NTNG2: variants seen among roughly 807,000 people sequenced by gnomAD.
NTNG2 encodes the protein netrin-G2.
In NTNG2, 15 loss-of-function variants were observed where a neutral mutation model predicts 47.6. That is an observed-to-expected ratio of 0.32 (90% confidence interval 0.21 to 0.49). NTNG2 has a LOEUF of 0.49. Ranked by LOEUF, NTNG2 falls within the 20% of genes least tolerant of loss-of-function variation. NTNG2 has a pLI of 0.99. For synonymous variants in NTNG2, 307 were observed against 324.6 expected (o/e 0.95, Z 0.58); for missense variants, 578 against 764.6 (o/e 0.76, Z 2.88).
intron 2 of NTNG2, among the ~76,000 whole-genome samples, chr9:132,171,025 A>G (rs2131293667): frequency 6.6e-6 from 1 of 152,232 alleles, no homozygotes; most frequent in African/African-American, 2.4e-5. Flanking sequence ...AGCCAACAGG[A>G]GAGCACTAGG....
chr9:132,244,210 C>A lies in NTNG2; in HGVS notation c.*2099C>A, dbSNP rs1842140299. 1 of 152,252 alleles carries A rather than the reference C, an allele frequency of 6.6e-6. No homozygotes were observed. Among genetic ancestry groups the A allele is most frequent in the Admixed American group, 6.5e-5 (1 of 15,284 alleles). 9.4% of individuals were successfully genotyped at this position (152,252 alleles called of 1,614,324 possible). ...ATCCCTCCCTCTGCTCTTCAGTCAGCAGGATGGGGAAGGAGCCTTCTTGAG... is the reference window on the plus strand; with the variant it reads ...ATCCCTCCCTCTGCTCTTCAGTCAGAAGGATGGGGAAGGAGCCTTCTTGAG... On this transcript the variant is annotated 3_prime_UTR_variant, in exon 8 of 8. Coordinates refer to ENST00000393229, the MANE Select transcript of NTNG2 (RefSeq NM_032536.4).
Position 132,241,860 on chromosome 9 carries a change from C to T in NTNG2, c.1358-16C>T. The T allele has an allele frequency of 6.5e-7, 1 of 1,542,004 alleles. No individual in the cohort carries two copies. The highest frequency in any genetic ancestry group is 8.7e-7 in the Non-Finnish European group (1 of 1,148,324). On this transcript the variant is annotated splice_polypyrimidine_tract_variant and intron_variant, in intron 7 of 7. Transcript: ENST00000393229. ...ACCGGGCCACCCCCCGTGCTGACCG[C>T]CCCCTCCGCCTGCAGCCAACGTGTG...
chr9:132,233,515 C>A (rs189593088), intron 5 of NTNG2: 1 of 152,358 alleles, frequency 6.6e-6, no homozygotes, highest in African/African-American at 2.4e-5. Flanking sequence ...AGAAGGCACA[C>A]CCTCCCTCTC....
intron 2 of NTNG2, among the ~76,000 whole-genome samples, chr9:132,179,407 C>CA (rs1484675741): frequency 2.6e-5 from 4 of 152,116 alleles, no homozygotes; most frequent in Non-Finnish European, 5.9e-5. Context: ...CAAGAGCGTC[C>CA]CCTAAGCCCA....
At position 132,226,658 on chromosome 9, in the gene NTNG2, C is replaced by G. The variant is rs1328448038; in HGVS notation, c.858-191C>G. On this transcript the variant is annotated intron_variant, in intron 3 of 7. Transcript: ENST00000393229. This position sits in a 1 kb window ranked among gnomAD's most constrained non-coding sequence, Gnocchi z 4.8. The stretch of plus-strand genomic sequence containing the variant: ...TGCAGGTGTGGCCTTTGGAACACGG[C>G]GTTGATCTCTCTGCAGGAAGGGGAA... Among the ~76,000 whole-genome samples, 1 of 152,212 alleles carries G rather than the reference C, an allele frequency of 6.6e-6. No individual in the cohort carries two copies. Among genetic ancestry groups the G allele is most frequent in the Non-Finnish European group, 1.5e-5 (1 of 68,030 alleles).
At chr9:132,200,616 C>T (rs1435855869) in intron 3 of NTNG2, among the ~76,000 whole-genome samples, 2 of 152,162 alleles carry the variant, frequency 1.3e-5, no homozygotes, top group African/African-American at 4.8e-5. Context: ...GCTGCTGTTT[C>T]CAGCTTGTAT....
At chr9:132,175,590 C>T (rs189112423) in intron 2 of NTNG2, among the ~76,000 whole-genome samples, 2 of 152,316 alleles carry the variant, frequency 1.3e-5, no homozygotes, top group African/African-American at 2.4e-5. Context: ...CCGGTCTGTT[C>T]GGCTTTGGTT....
chr9:132,193,969 ACTT>A (rs771867546), intron 2 of NTNG2, among the ~76,000 whole-genome samples: 37 of 152,160 alleles, frequency 2.4e-4, no homozygotes, highest in African/African-American at 8.4e-4. Context: ...CGGCAGCCAA[ACTT>A]CTTCTTCTTC....
intron 3 of NTNG2, among the ~76,000 whole-genome samples, chr9:132,203,033 GGA>G (rs1935709892): frequency 6.6e-6 from 1 of 151,962 alleles, no homozygotes; most frequent in Admixed American, 6.6e-5. Flanking sequence ...TTAGACGGTG[GGA>G]GAGGGAAGTG....
rs1840112819 is a variant in NTNG2, at chr9:132,218,187, C to T, written c.858-8662C>T. On this transcript the variant is annotated intron_variant, in intron 3 of 7. Coordinates refer to ENST00000393229, the MANE Select transcript of NTNG2 (RefSeq NM_032536.4). The surrounding 1 kb of genome is among the most constrained non-coding windows in gnomAD (Gnocchi z 5.4). ...CTCCCGGCTCCTGCCACACAGGCCA[C>T]CCGGGAGTGCAGACACTAAGTGTGG... Among the ~76,000 whole-genome samples, 1 of 152,242 alleles carries T rather than the reference C, an allele frequency of 6.6e-6. No individual in the cohort carries two copies. Among genetic ancestry groups the T allele is most frequent in the Non-Finnish European group, 1.5e-5 (1 of 68,050 alleles).
At chr9:132,216,954 C>G (rs150682279) in intron 3 of NTNG2, among the ~76,000 whole-genome samples, 91 of 152,312 alleles carry the variant, frequency 6.0e-4, no homozygotes, top group African/African-American at 2.2e-3. Flanking sequence ...ATGGGGGCAT[C>G]TGGCTTAGTG....
intron 3 of NTNG2, among the ~76,000 whole-genome samples, chr9:132,214,526 C>A (rs1435485324): frequency 1.3e-5 from 2 of 152,210 alleles, no homozygotes; most frequent in African/African-American, 2.4e-5. Context: ...GTTGTGGTCT[C>A]CAGGGGCTTA....
chr9:132,209,234 TTAACTC>T (rs1839401962), intron 3 of NTNG2, among the ~76,000 whole-genome samples: 2 of 152,196 alleles, frequency 1.3e-5, no homozygotes, highest in African/African-American at 4.8e-5. Flanking sequence ...GTGAGCGTGT[TTAACTC>T]TATGAGAAAC....
chr9:132,230,132 G>A (rs1198743607), intron 4 of NTNG2, among the ~76,000 whole-genome samples: 1 of 152,244 alleles, frequency 6.6e-6, no homozygotes, highest in Non-Finnish European at 1.5e-5. Context: ...CGCTCCCATG[G>A]CTTCTCAGTG....
intron 3 of NTNG2, among the ~76,000 whole-genome samples, chr9:132,219,586 A>G (rs1840219895): frequency 6.9e-6 from 1 of 144,842 alleles, no homozygotes; most frequent in African/African-American, 2.6e-5. Context: ...AAAAAAAAAA[A>G]AAGAAAGAAA....
chr9:132,228,056 C>T (rs1035929315), intron 4 of NTNG2, among the ~76,000 whole-genome samples: 6 of 152,236 alleles, frequency 3.9e-5, no homozygotes, highest in Non-Finnish European at 7.3e-5. Flanking sequence ...CAGCGAACCT[C>T]GGGGCCCTCC....
At chr9:132,239,444 A>C (rs753715993) in intron 6 of NTNG2, among the ~76,000 whole-genome samples, 173 bp downstream of exon 6, 2 of 152,166 alleles carry the variant, frequency 1.3e-5, no homozygotes, top group Non-Finnish European at 2.9e-5. Context: ...AGCTCCAGAA[A>C]CTGCTCTATT....
Position 132,162,826 on chromosome 9 carries a change from G to A in NTNG2, c.-484+587G>A, listed in dbSNP as rs991207516. Among the ~76,000 whole-genome samples, 8 of 152,010 alleles carry A rather than the reference G, an allele frequency of 5.3e-5. No individual in the cohort carries two copies. Among genetic ancestry groups the A allele is most frequent in the Non-Finnish European group, 1.0e-4 (7 of 67,980 alleles). ...CTGGAAACTTCTCCCGGCGCCGGGA[G>A]GGGGTCGGGAGGTGAGGGGGCGCAG... On this transcript the variant is annotated intron_variant, in intron 1 of 7. Coordinates refer to ENST00000393229, the MANE Select transcript of NTNG2 (RefSeq NM_032536.4). This position sits in a 1 kb window ranked among gnomAD's most constrained non-coding sequence, Gnocchi z 4.6.
At chr9:132,241,606 T>C (rs921157622) in intron 7 of NTNG2, 1 of 480,366 alleles carries the variant, frequency 2.1e-6, no homozygotes, top group African/African-American at 2.1e-5. Flanking sequence ...CGTGCACAGC[T>C]CTGGAGACTG....
Sources: gnomAD v4.1 joint callset for allele counts (sites outside exome capture counted in the v4.1 genomes callset) on GRCh38, gnomAD v4.1.1 for gene constraint, Gnocchi (gnomAD v3.1) non-coding constraint, MANE v1.5 for transcripts, NCBI Gene and HGNC (gene_info 2026-07-23, HGNC 2026-07-21) for gene names.